TMPRSS15: variants seen among roughly 807,000 people sequenced by gnomAD.
TMPRSS15 encodes the protein transmembrane serine protease 15.
A neutral mutation model predicts 125.3 loss-of-function variants in TMPRSS15; 128 were observed. The observed-to-expected ratio is 1.02, with a 90% CI of 0.89 to 1.18. The LOEUF (loss-of-function observed/expected upper bound fraction) is 1.18, where lower values mean the gene tolerates loss of function less well. TMPRSS15 is among the 50% of genes most tolerant of loss of function. The probability of loss-of-function intolerance (pLI) is 0.00; values close to 1 mark genes in which losing one functional copy is unlikely to be tolerated. For synonymous variants in TMPRSS15, 446 were observed against 423.2 expected (o/e 1.05, Z -0.66); for missense variants, 1,283 against 1,212.7 (o/e 1.06, Z -0.86).
At chr21:18,413,539 C>T (rs2076172773) in intron 1 of TMPRSS15, among the ~76,000 whole-genome samples, 1 of 151,016 alleles carries the variant, frequency 6.6e-6, no homozygotes, top group African/African-American at 2.4e-5. Flanking sequence ...GCCTCAGCCT[C>T]CCGAGTAGCT....
upstream of TMPRSS15, among the ~76,000 whole-genome samples, chr21:18,406,505 TAGC>T (rs2076152256): frequency 6.6e-6 from 1 of 151,948 alleles, no homozygotes; most frequent in Admixed American, 6.6e-5. Flanking sequence ...AAAAGACAAG[TAGC>T]AGGCAATTGA....
intron 10 of TMPRSS15, among the ~76,000 whole-genome samples, chr21:18,349,427 T>C (rs1037733640): frequency 3.3e-5 from 5 of 152,214 alleles, no homozygotes; most frequent in Non-Finnish European, 5.9e-5. Context: ...TTAGGTGTTC[T>C]TACCTAAAGC....
intron 1 of TMPRSS15, among the ~76,000 whole-genome samples, chr21:18,398,873 G>A (rs1326990757): frequency 1.3e-5 from 2 of 152,026 alleles, no homozygotes; most frequent in Admixed American, 6.5e-5. Flanking sequence ...AAAATGGCAT[G>A]CATGACCTTG....
In TMPRSS15 at chr21:18,278,945, T is replaced by G. The variant is rs74575940; in HGVS notation, c.2764+19A>C. ...TAAGGTTTTTTTTTTTTTTTTTTTT[T>G]TTGAGTCTGATAATTTACCTTGATA... On this transcript the variant is annotated intron_variant, in intron 23 of 24. Transcript: ENST00000284885. 1 of 1,024,010 alleles carries G rather than the reference T, an allele frequency of 9.8e-7. No homozygotes were observed. 63.4% of individuals were successfully genotyped at this position (1,024,010 alleles called of 1,614,324 possible).
chr21:18,319,588 T>G (rs1254898556), intron 16 of TMPRSS15, among the ~76,000 whole-genome samples: 1 of 152,036 alleles, frequency 6.6e-6, no homozygotes, highest in Non-Finnish European at 1.5e-5. Context: ...GCCACCACGC[T>G]GGGCTAATTT....
intron 1 of TMPRSS15, among the ~76,000 whole-genome samples, chr21:18,475,182 G>C (rs573753754): frequency 1.4e-4 from 22 of 152,254 alleles, no homozygotes; most frequent in Non-Finnish European, 2.8e-4. Flanking sequence ...CTTCAGTCAT[G>C]TATAAATGCC....
At chr21:18,287,171 G>A (rs2074774751) in intron 21 of TMPRSS15, among the ~76,000 whole-genome samples, 1 of 152,138 alleles carries the variant, frequency 6.6e-6, no homozygotes, top group Non-Finnish European at 1.5e-5. Context: ...TTGTTGGTCT[G>A]TACAGCACTA....
chr21:18,431,567 A>T (rs1231064237), intron 1 of TMPRSS15, among the ~76,000 whole-genome samples: 1 of 152,148 alleles, frequency 6.6e-6, no homozygotes, highest in African/African-American at 2.4e-5. Flanking sequence ...ATTTCATTTT[A>T]AATTATTGTA....
At position 18,403,523 on chromosome 21, in the gene TMPRSS15, C is replaced by T. The variant is rs752722928; in HGVS notation, c.100G>A (p.Gly34Arg). ...LFAILVVLCA[G>R]LIAVSCLTIK... ...GTCAGGCAGGATACTGCAATTAATCCAGCACAGAGCACTACCAATATGGCA... is the reference window on the plus strand; with the variant it reads ...GTCAGGCAGGATACTGCAATTAATCTAGCACAGAGCACTACCAATATGGCA... The change falls in exon 1 of 25, where the codon GGA (glycine) becomes AGA (arginine). Residue 34 changes from glycine (G) to arginine (R), a missense_variant. Transcript: ENST00000284885. 3.1e-6 allele frequency: 5 copies of T among 1,614,122 alleles called. No individual in the cohort carries two copies. The highest frequency in any genetic ancestry group is 4.2e-6 in the Non-Finnish European group (5 of 1,180,004).
intron 4 of TMPRSS15, chr21:18,380,528 A>G (rs766301099): frequency 3.6e-5 from 17 of 470,580 alleles, no homozygotes; most frequent in South Asian, 2.5e-4. Flanking sequence ...TAAAAGTGCC[A>G]TAAACACTGA....
chr21:18,335,031 G>C (rs557882776), intron 13 of TMPRSS15, among the ~76,000 whole-genome samples: 32 of 152,288 alleles, frequency 2.1e-4, no homozygotes, highest in African/African-American at 7.5e-4. Context: ...TTCTCAACAG[G>C]AAATCATGAC....
chr21:18,325,999 C>T (rs985825), intron 16 of TMPRSS15, among the ~76,000 whole-genome samples: 1,626 of 152,058 alleles, frequency 0.011, 25 homozygotes, highest in African/African-American at 0.036. Flanking sequence ...TGGTTGTCTC[C>T]AATAAGTTAA....
At chr21:18,443,846 C>T (rs969977987) in intron 1 of TMPRSS15, among the ~76,000 whole-genome samples, 2 of 152,214 alleles carry the variant, frequency 1.3e-5, no homozygotes, top group African/African-American at 4.8e-5. Flanking sequence ...GCTAGCAGTA[C>T]CGCTTTTGTG....
At chr21:18,389,246 G>A (rs2075971496) in intron 3 of TMPRSS15, among the ~76,000 whole-genome samples, 1 of 151,502 alleles carries the variant, frequency 6.6e-6, no homozygotes, top group South Asian at 2.1e-4. Flanking sequence ...GGGAGGGAAG[G>A]AAGAAGTAAA....
intron 1 of TMPRSS15, among the ~76,000 whole-genome samples, chr21:18,451,000 A>G (rs1312810405): frequency 7.4e-6 from 1 of 134,928 alleles, no homozygotes; most frequent in South Asian, 2.2e-4. Context: ...CCATTTTAAG[A>G]TAATCCACAA....
At chr21:18,380,131 C>A (rs2075877631) in intron 4 of TMPRSS15, among the ~76,000 whole-genome samples, 1 of 150,838 alleles carries the variant, frequency 6.6e-6, no homozygotes, top group African/African-American at 2.4e-5. Context: ...AGCTTCATCA[C>A]CAAGGCACCA....
chr21:18,326,087 T>A (rs532842225), intron 16 of TMPRSS15, among the ~76,000 whole-genome samples: 3 of 152,048 alleles, frequency 2.0e-5, no homozygotes, highest in Non-Finnish European at 4.4e-5. Context: ...TCTCTGAAAA[T>A]GTTCTTGATA....
chr21:18,383,588 C>A (rs370742430), intron 4 of TMPRSS15, 39 bp downstream of exon 4: 7 of 1,607,254 alleles, frequency 4.4e-6, no homozygotes, highest in Non-Finnish European at 5.9e-6. Context: ...AATTTCATAG[C>A]TTAATGATTC....
chr21:18,367,035 T>C (rs1416271472), intron 6 of TMPRSS15, among the ~76,000 whole-genome samples: 3 of 152,114 alleles, frequency 2.0e-5, no homozygotes, highest in Non-Finnish European at 2.9e-5. Context: ...TTGGTATATA[T>C]ATATTTTCAG....
Sources: allele counts gnomAD v4.1 joint callset (sites outside exome capture counted in the v4.1 genomes callset), GRCh38; gene constraint gnomAD v4.1.1; transcripts MANE v1.5; gene names NCBI Gene and HGNC (gene_info 2026-07-23, HGNC 2026-07-21).